The following GRK7 variants were observed in gnomAD, a reference collection of about 807,000 sequenced individuals.
The protein encoded by GRK7 is rhodopsin kinase GRK7.
Under a neutral mutation model 34.1 loss-of-function variants are expected in GRK7, and 24 were observed. The ratio of observed to expected loss-of-function variants is 0.70; its 90% confidence interval spans 0.51 to 0.99. The LOEUF (loss-of-function observed/expected upper bound fraction) is 0.99. GRK7 is among the 50% of genes least tolerant of loss of function. The pLI, the probability that GRK7 is intolerant of heterozygous loss-of-function variation, is 0.00. For missense variants in GRK7, 644 were observed against 707.3 expected (o/e 0.91, Z 1.02); for synonymous variants, 256 against 279.4 (o/e 0.92, Z 0.84).
chr3:141,789,880 T>C (rs1204975894), intron 4 of GRK7, among the ~76,000 whole-genome samples: 1 of 152,094 alleles, frequency 6.6e-6, no homozygotes, highest in Non-Finnish European at 1.5e-5. Flanking sequence ...GGTAGGGAAA[T>C]TGAGACCCAA....
chr3:141,754,430 G>T, the GRK7 span, among the ~76,000 whole-genome samples: 1 of 133,300 alleles, frequency 7.5e-6, no homozygotes. Context: ...CCTCACCACT[G>T]TCTTTTTTTT....
intron 4 of GRK7, among the ~76,000 whole-genome samples, chr3:141,798,677 C>T (rs1353946840): frequency 6.6e-6 from 1 of 152,148 alleles, no homozygotes; most frequent in Non-Finnish European, 1.5e-5. Flanking sequence ...TTCTCTCCTC[C>T]CACCCTACTC....
chr3:141,770,044 A>G (rs987939245), intron 1 of GRK7, among the ~76,000 whole-genome samples: 2 of 152,086 alleles, frequency 1.3e-5, no homozygotes, highest in Non-Finnish European at 2.9e-5. Context: ...CCTCCCAAGT[A>G]GCTGGGATTA....
At chr3:141,775,401 A>G (rs997506857) in intron 2 of GRK7, among the ~76,000 whole-genome samples, 4 of 152,202 alleles carry the variant, frequency 2.6e-5, no homozygotes, top group African/African-American at 9.6e-5. Context: ...CTGTCTAAAA[A>G]AAAAGAAAAG....
chr3:141,791,869 T>C (rs758588948), intron 4 of GRK7, among the ~76,000 whole-genome samples: 1 of 150,996 alleles, frequency 6.6e-6, no homozygotes, highest in Non-Finnish European at 1.5e-5. Flanking sequence ...CTGGGTGTGG[T>C]GGCGGGCCCC....
chr3:141,813,387 A>G (rs1711116434), intron 5 of GRK7, among the ~76,000 whole-genome samples: 1 of 152,212 alleles, frequency 6.6e-6, no homozygotes, highest in East Asian at 1.9e-4. Flanking sequence ...TTGGCCTCCC[A>G]AAATGCTGGG....
the GRK7 span, among the ~76,000 whole-genome samples, chr3:141,754,430 G>C: frequency 7.5e-6 from 1 of 133,302 alleles, no homozygotes; most frequent in Non-Finnish European, 1.6e-5. Context: ...CCTCACCACT[G>C]TCTTTTTTTT....
the GRK7 span, among the ~76,000 whole-genome samples, chr3:141,753,625 C>T: frequency 6.6e-6 from 1 of 152,208 alleles, no homozygotes; most frequent in Non-Finnish European, 1.5e-5. Context: ...CTGCTCCCCT[C>T]CTGCTGTGCA....
At chr3:141,756,306 C>G in the GRK7 span, among the ~76,000 whole-genome samples, 1 of 121,630 alleles carries the variant, frequency 8.2e-6, no homozygotes, top group African/African-American at 3.5e-5. Context: ...AGTAAGACTC[C>G]ATCTCAAAAA....
Position 141,780,574 on chromosome 3 carries a change from G to C in GRK7, c.813G>C (p.Met271Ile). 6.2e-7 allele frequency: 1 copy of C among 1,614,240 alleles called. No homozygotes were observed. The highest frequency in any genetic ancestry group is 8.5e-7 in the Non-Finnish European group (1 of 1,180,042). ...KTHLCLVMSLMNGGDLKFHIY... is the reference protein window; with the variant it reads ...KTHLCLVMSLINGGDLKFHIY... Reference sequence around the variant, plus strand: ...ATCTCTGCCTTGTCATGAGCCTGATGAATGGGGGAGACCTCAAGTTCCACA... The same window carrying C: ...ATCTCTGCCTTGTCATGAGCCTGATCAATGGGGGAGACCTCAAGTTCCACA... The change falls in exon 4 of 6, where the codon ATG becomes ATC. Residue 271 changes from methionine to isoleucine, a missense_variant. Transcript: ENST00000682958.
chr3:141,777,141 T>C (rs962318680), intron 2 of GRK7, among the ~76,000 whole-genome samples: 2 of 152,084 alleles, frequency 1.3e-5, no homozygotes, highest in Non-Finnish European at 2.9e-5. Context: ...GCTCGTTAGA[T>C]TGTGCCCTTG....
intron 1 of GRK7, among the ~76,000 whole-genome samples, chr3:141,772,979 T>C (rs1386022643): frequency 2.0e-5 from 3 of 151,952 alleles, no homozygotes; most frequent in South Asian, 2.1e-4. Context: ...CTACTAAAAA[T>C]ACAAAAATTA....
At chr3:141,781,253 C>T (rs1205160028) in intron 4 of GRK7, among the ~76,000 whole-genome samples, 6 of 151,980 alleles carry the variant, frequency 3.9e-5, no homozygotes, top group East Asian at 1.9e-4. Context: ...AAGAATGATC[C>T]GGCTGGGTGT....
chr3:141,785,620 C>A (rs537937304), intron 4 of GRK7, among the ~76,000 whole-genome samples: 1 of 152,172 alleles, frequency 6.6e-6, no homozygotes, highest in South Asian at 2.1e-4. Context: ...AAAAATTAGC[C>A]AGGCATGGTG....
chr3:141,791,361 T>A (rs1269915441), intron 4 of GRK7, among the ~76,000 whole-genome samples: 1 of 151,590 alleles, frequency 6.6e-6, no homozygotes, highest in Non-Finnish European at 1.5e-5. Context: ...GCCCCCCAGT[T>A]TTTTTTTTCT....
intron 4 of GRK7, among the ~76,000 whole-genome samples, chr3:141,781,115 G>A (rs1287522713): frequency 2.0e-5 from 3 of 152,120 alleles, no homozygotes; most frequent in African/African-American, 7.2e-5. Context: ...GTCCGGGTGT[G>A]TCAATAACCA....
At chr3:141,754,034 A>C in the GRK7 span, among the ~76,000 whole-genome samples, 1 of 152,262 alleles carries the variant, frequency 6.6e-6, no homozygotes, top group African/African-American at 2.4e-5. Context: ...ATAAAGAGAT[A>C]ATGGTGCATA....
intron 4 of GRK7, among the ~76,000 whole-genome samples, chr3:141,793,452 CTTCTACTCAGGAGTGCTCTCCTGAGA>C: frequency 6.6e-6 from 1 of 152,312 alleles, no homozygotes; most frequent in African/African-American, 2.4e-5. Context: ...GAGTTTGTTT[CTTCTACTCAGGAGTGCTCTCCTGAGA>C]TGCAGCCATG....
intron 1 of GRK7, among the ~76,000 whole-genome samples, chr3:141,766,014 T>C (rs2084578975): frequency 6.6e-6 from 1 of 152,194 alleles, no homozygotes; most frequent in Non-Finnish European, 1.5e-5. Context: ...CCACACTGTA[T>C]ATGGAAATAA....
Sources: allele counts gnomAD v4.1 joint callset (sites outside exome capture counted in the v4.1 genomes callset), GRCh38; gene constraint gnomAD v4.1.1; transcripts MANE v1.5; gene names NCBI Gene and HGNC (gene_info 2026-07-23, HGNC 2026-07-21).